Variants in PAPSS2 observed in about 807,000 individuals in gnomAD.
The protein encoded by PAPSS2 is bifunctional 3'-phosphoadenosine 5'-phosphosulfate synthase 2.
Under a neutral mutation model 66.5 loss-of-function variants are expected in PAPSS2, and 61 were observed. That is an observed-to-expected ratio of 0.92 (90% confidence interval 0.75 to 1.14). The LOEUF is 1.14. Among genes scored for constraint, PAPSS2 ranks in the 50% most tolerant of loss-of-function variants. The probability of loss-of-function intolerance (pLI) is 0.00; values close to 1 mark genes in which losing one functional copy is unlikely to be tolerated. For missense variants in PAPSS2, 708 were observed against 789.6 expected (o/e 0.90, Z 1.24); for synonymous variants, 289 against 287.5 (o/e 1.01, Z -0.05).
chr10:87,684,999 C>G (rs1853070170), intron 1 of PAPSS2, among the ~76,000 whole-genome samples: 1 of 152,180 alleles, frequency 6.6e-6, no homozygotes, highest in Non-Finnish European at 1.5e-5. Context: ...CACCAGGCTA[C>G]ACAGGGACTC....
intron 10 of PAPSS2, 77 bp from the exon 11 acceptor site, chr10:87,743,296 C>A: frequency 2.2e-6 from 3 of 1,385,780 alleles, no homozygotes; most frequent in African/African-American, 1.4e-5. Context: ...ATAAACATAG[C>A]TGTGTCCTTT....
chr10:87,674,176 C>G (rs1243479157), intron 1 of PAPSS2, among the ~76,000 whole-genome samples: 1 of 152,032 alleles, frequency 6.6e-6, no homozygotes, highest in African/African-American at 2.4e-5. Context: ...AAAAAAATTT[C>G]TGTTTTGAGA....
intron 1 of PAPSS2, among the ~76,000 whole-genome samples, chr10:87,680,389 C>T (rs1853004503): frequency 6.6e-6 from 1 of 152,090 alleles, no homozygotes; most frequent in Non-Finnish European, 1.5e-5. Flanking sequence ...GCTTTGGCAC[C>T]TGGATAACAA....
chr10:87,661,611 C>T (rs964612768), intron 1 of PAPSS2, among the ~76,000 whole-genome samples: 1 of 152,078 alleles, frequency 6.6e-6, no homozygotes, highest in African/African-American at 2.4e-5. Context: ...GGTCTCTCCT[C>T]TTGATGCCTC....
chr10:87,670,465 A>C (rs1036605723), intron 1 of PAPSS2, among the ~76,000 whole-genome samples: 2 of 152,124 alleles, frequency 1.3e-5, no homozygotes, highest in African/African-American at 4.8e-5. Context: ...CTTCTAACAC[A>C]TAGGTAAGGG....
chr10:87,739,700 T>C (rs1853843799), intron 9 of PAPSS2, among the ~76,000 whole-genome samples: 1 of 152,232 alleles, frequency 6.6e-6, no homozygotes, highest in Non-Finnish European at 1.5e-5. Context: ...TGTGTTGACA[T>C]TTGAATTGCT....
chr10:87,734,627 G>A (rs1853769977), intron 9 of PAPSS2, among the ~76,000 whole-genome samples: 1 of 143,122 alleles, frequency 7.0e-6, no homozygotes, highest in African/African-American at 2.6e-5. Flanking sequence ...CCCAGATTCT[G>A]TGACTATGAC....
rs572439181 is a variant in PAPSS2, at chr10:87,721,221, G to A, written c.866-535G>A. On this transcript the variant is annotated intron_variant, in intron 7 of 12. Coordinates refer to ENST00000456849, the MANE Select transcript of PAPSS2 (RefSeq NM_001015880.2). ...AGAAAGGTTAAATAACTTATTTGAA[G>A]CCTAGACTTAAATCCAGGTTGTCCT... Among the ~76,000 whole-genome samples, 3 of 152,282 alleles carry A rather than the reference G, an allele frequency of 2.0e-5. No homozygotes were observed. In the East Asian group the frequency reaches 5.8e-4, roughly 29 times the overall value.
chr10:87,722,690 G>T (rs1564723982), intron 8 of PAPSS2, among the ~76,000 whole-genome samples: 1 of 152,180 alleles, frequency 6.6e-6, no homozygotes, highest in African/African-American at 2.4e-5. Flanking sequence ...TCAAGTCAGG[G>T]TTGAAAGTCA....
At chr10:87,723,469 TA>T (rs1485568291) in intron 8 of PAPSS2, among the ~76,000 whole-genome samples, 1 of 152,188 alleles carries the variant, frequency 6.6e-6, no homozygotes, top group Non-Finnish European at 1.5e-5. Context: ...ACACACATAG[TA>T]AAAGGGAGAA....
chr10:87,702,813 T>G (rs996695497), intron 1 of PAPSS2, among the ~76,000 whole-genome samples: 1 of 152,054 alleles, frequency 6.6e-6, no homozygotes, highest in Non-Finnish European at 1.5e-5. Context: ...TCCCCAAGAC[T>G]CCTCCTCCCT....
chr10:87,690,462 G>T (rs551159275), intron 1 of PAPSS2, among the ~76,000 whole-genome samples: 10 of 152,306 alleles, frequency 6.6e-5, no homozygotes, highest in African/African-American at 2.4e-4. Flanking sequence ...AGAGATGGGG[G>T]CGGAGGCAGA....
chr10:87,693,751 A>G (rs1416850686), intron 1 of PAPSS2, among the ~76,000 whole-genome samples: 2 of 152,246 alleles, frequency 1.3e-5, no homozygotes, highest in African/African-American at 2.4e-5. Context: ...CTATAATTAC[A>G]ACAGCACATA....
chr10:87,741,341 T>G lies in PAPSS2; in HGVS notation c.1193T>G (p.Leu398Arg), dbSNP rs377207551. The G allele has an allele frequency of 6.8e-6, 11 of 1,613,696 alleles. No individual in the cohort carries two copies. The highest frequency in any genetic ancestry group is 9.3e-6 in the Non-Finnish European group (11 of 1,179,630). The change falls in exon 10 of 13, where the codon CTC becomes CGC. Residue 398 changes from leucine (L) to arginine (R), a missense_variant. By Grantham distance (102) the Leu-to-Arg change is moderately radical. Transcript: ENST00000456849. ...LDQYRLTPLE[L>R]KQKCKEMNAD... ...CAATACCGTCTGACACCTCTGGAGC[T>G]CAAACAGAAATGTAAAGAAATGAAT...
intron 1 of PAPSS2, among the ~76,000 whole-genome samples, chr10:87,705,743 T>C (rs1265889626): frequency 5.3e-5 from 8 of 151,798 alleles, no homozygotes; most frequent in Non-Finnish European, 1.2e-4. Context: ...TTTCCTTATT[T>C]TTTTTTTTGA....
intron 1 of PAPSS2, among the ~76,000 whole-genome samples, chr10:87,663,158 C>T (rs1364205847): frequency 1.5e-5 from 2 of 133,960 alleles, no homozygotes; most frequent in Non-Finnish European, 3.1e-5. Context: ...GTCACCCAGG[C>T]TGGAGTGCAG....
intron 1 of PAPSS2, among the ~76,000 whole-genome samples, chr10:87,700,544 G>C (rs963859398): frequency 5.3e-5 from 8 of 151,848 alleles, no homozygotes; most frequent in African/African-American, 1.9e-4. Context: ...TGTAGTCCCA[G>C]CTACTGAGGA....
chr10:87,672,672 T>C (rs1852893566), intron 1 of PAPSS2, among the ~76,000 whole-genome samples: 1 of 152,160 alleles, frequency 6.6e-6, no homozygotes, highest in Non-Finnish European at 1.5e-5. Flanking sequence ...AAAGTTGTTA[T>C]AGACCAAGGC....
At chr10:87,728,123 A>G (rs1160836181) in intron 9 of PAPSS2, among the ~76,000 whole-genome samples, 1 of 152,168 alleles carries the variant, frequency 6.6e-6, no homozygotes, top group African/African-American at 2.4e-5. Flanking sequence ...AAAATAGACT[A>G]ACTCCTCAGA....
Sources: gnomAD v4.1 joint callset for allele counts (sites outside exome capture counted in the v4.1 genomes callset) on GRCh38, gnomAD v4.1.1 for gene constraint, MANE v1.5 for transcripts, NCBI Gene and HGNC (gene_info 2026-07-23, HGNC 2026-07-21) for gene names.